Variants in FAM78B observed in about 807,000 individuals in gnomAD.
FAM78B encodes the protein protein FAM78B.
Under a neutral mutation model 20.0 loss-of-function variants are expected in FAM78B, and 10 were observed. That is an observed-to-expected ratio of 0.50 (90% CI 0.31 to 0.85). The LOEUF is 0.85. FAM78B is among the 40% of genes least tolerant of loss of function. The pLI is 0.05. For missense variants in FAM78B, 283 were observed against 345.0 expected, an observed-to-expected ratio of 0.82 and a Z score of 1.42; for synonymous variants, 135 against 132.8, an observed-to-expected ratio of 1.02 and a Z score of -0.12.
chr1:166,133,619 G>A (rs893804002), intron 1 of FAM78B, among the ~76,000 whole-genome samples: 3 of 148,880 alleles, frequency 2.0e-5, no homozygotes, highest in African/African-American at 4.9e-5. Flanking sequence ...AAAAAGAACC[G>A]TAAATATAAT....
intron 1 of FAM78B, among the ~76,000 whole-genome samples, chr1:166,110,368 G>A (rs1407887932): frequency 1.3e-5 from 2 of 152,164 alleles, no homozygotes; most frequent in Admixed American, 6.5e-5. Context: ...CCTCTGCAGA[G>A]CTGGGCATCT....
intron 1 of FAM78B, among the ~76,000 whole-genome samples, chr1:166,111,997 T>G (rs530107125): frequency 6.6e-6 from 1 of 152,352 alleles, no homozygotes; most frequent in South Asian, 2.1e-4. Flanking sequence ...TTTTCTTTAT[T>G]TTAACATCAG....
At chr1:166,119,914 A>G (rs1469247464) in intron 1 of FAM78B, among the ~76,000 whole-genome samples, 1 of 152,204 alleles carries the variant, frequency 6.6e-6, no homozygotes, top group Non-Finnish European at 1.5e-5. Context: ...TTCCAGCCAC[A>G]AGAGGGAAGC....
chr1:166,112,817 G>A (rs1654108205), intron 1 of FAM78B, among the ~76,000 whole-genome samples: 1 of 152,144 alleles, frequency 6.6e-6, no homozygotes, highest in African/African-American at 2.4e-5. Context: ...ATCCTATGAG[G>A]TACATACTAG....
At chr1:166,157,182 CT>C (rs1655939527) in intron 1 of FAM78B, among the ~76,000 whole-genome samples, 1 of 151,912 alleles carries the variant, frequency 6.6e-6, no homozygotes, top group East Asian at 1.9e-4. Context: ...CCAGAGACCC[CT>C]CTCCAGAGTC....
rs537066223 is a variant in FAM78B at position 166,098,900 on chromosome 1, T to C, written c.264-28137A>G. On this transcript the variant is annotated intron_variant, in intron 1 of 1. Coordinates refer to ENST00000354422, the MANE Select transcript of FAM78B (RefSeq NM_001017961.5). ...AAATACAAGGAGCACAAAGAACACC[T>C]GGGAAATTCATCACGAAAAGATCTT... is the stretch of plus-strand genomic sequence containing the variant. 1.0e-3 allele frequency among the ~76,000 whole-genome samples: 156 copies of C among 152,288 alleles called. 1 individual carries two copies. The highest frequency in any genetic ancestry group is 3.7e-3 in the African/African-American group (152 of 41,548).
intron 1 of FAM78B, among the ~76,000 whole-genome samples, chr1:166,155,084 C>T (rs1437064249): frequency 1.3e-5 from 2 of 152,198 alleles, no homozygotes; most frequent in Non-Finnish European, 2.9e-5. Context: ...ACTATCACAT[C>T]CTGAGCAGCT....
intron 1 of FAM78B, among the ~76,000 whole-genome samples, chr1:166,116,758 C>T (rs141050767): frequency 7.4e-4 from 113 of 152,314 alleles, no homozygotes; most frequent in African/African-American, 2.6e-3. Context: ...AATCCCCTTT[C>T]GACTTATGGG....
At position 166,061,864 on chromosome 1, in the gene FAM78B, G is replaced by C. The variant is rs930343089; in HGVS notation, c.*410-1201C>G. On this transcript the variant is annotated intron_variant and NMD_transcript_variant, in intron 2 of 2. Coordinates refer to the FAM78B transcript ENST00000435676. ...AGTGGGGCACAATGTGGTTGCACGT[G>C]TGCAGAGGCCTTGAGACACCCTGAG... Among the ~76,000 whole-genome samples the C allele has an allele frequency of 3.9e-5, 6 of 152,346 alleles. No individual in the cohort carries two copies. The East Asian group carries it at 1.2e-3, about 29-fold the overall frequency.
chr1:166,070,390 C>T lies in FAM78B; in HGVS notation c.637G>A (p.Gly213Ser), dbSNP rs755556119. 10 of 1,613,972 alleles carry T rather than the reference C, an allele frequency of 6.2e-6. No individual in the cohort carries two copies. Among genetic ancestry groups the T allele is most frequent in the Non-Finnish European group, 8.5e-6 (10 of 1,179,972 alleles). Residue 213 changes from glycine (G) to serine (S), a missense_variant, in exon 2 of 2, where the codon GGC becomes AGC. Gly to Ser is a moderately conservative substitution (Grantham distance 56, BLOSUM62 0). Transcript: ENST00000354422. The stretch of plus-strand genomic sequence containing the variant: ...CGGGGCTGCTCCTGCTGAGTCCTGC[C>T]CACCAGCCGGGCCCGCTGCCCCAAG... ...QLLGQRARLV[G>S]RTQQEQPRIL...
intron 1 of FAM78B, among the ~76,000 whole-genome samples, chr1:166,153,238 T>C (rs1655752958): frequency 6.6e-6 from 1 of 152,114 alleles, no homozygotes; most frequent in South Asian, 2.1e-4. Context: ...CCTTCCATAT[T>C]TATCTCTCCA....
chr1:166,077,702 T>A (rs1652338296), intron 1 of FAM78B, among the ~76,000 whole-genome samples: 1 of 122,136 alleles, frequency 8.2e-6, no homozygotes. Flanking sequence ...TTATATATAA[T>A]AAATACATAT....
downstream of FAM78B, among the ~76,000 whole-genome samples, chr1:166,067,789 A>G (rs1484649758): frequency 6.6e-6 from 1 of 152,222 alleles, no homozygotes; most frequent in Non-Finnish European, 1.5e-5. Context: ...ATCACAATGT[A>G]TACAGTGCTT....
At chr1:166,081,699 A>G (rs1051912809) in intron 1 of FAM78B, among the ~76,000 whole-genome samples, 2 of 152,080 alleles carry the variant, frequency 1.3e-5, no homozygotes, top group Non-Finnish European at 2.9e-5. Flanking sequence ...ATGCCTTCCC[A>G]CAGGAGTAAG....
intron 1 of FAM78B, among the ~76,000 whole-genome samples, chr1:166,071,165 C>T (rs1413984009): frequency 2.0e-5 from 3 of 152,002 alleles, no homozygotes; most frequent in African/African-American, 4.8e-5. Context: ...GGTTGAAATT[C>T]GATGTACTTG....
chr1:166,101,752 C>T (rs374635702), intron 1 of FAM78B, among the ~76,000 whole-genome samples: 26 of 151,968 alleles, frequency 1.7e-4, no homozygotes, highest in South Asian at 6.2e-4. Context: ...CTGAAAGTGA[C>T]GGGGAGAATG....
chr1:166,131,572 A>T (rs574604436), intron 1 of FAM78B, among the ~76,000 whole-genome samples: 33 of 152,272 alleles, frequency 2.2e-4, no homozygotes, highest in African/African-American at 7.7e-4. Context: ...GTCTGTGAGA[A>T]GACCTATCTT....
rs116083849 is a variant in FAM78B, at chr1:166,123,233, C to T, written c.263+42753G>A. Among the ~76,000 whole-genome samples the T allele has an allele frequency of 2.4e-4, 36 of 152,348 alleles. No homozygotes were observed. In the East Asian group the frequency reaches 3.7e-3, roughly 16 times the overall value. On this transcript the variant is annotated intron_variant, in intron 1 of 1. Transcript: ENST00000354422. ...TTTCAAAGCCAGGCCAGGCCTCCCC[C>T]ACCCTGGACCACCTGTAGCTGGTTC...
At chr1:166,106,674 C>T (rs1027319205) in intron 1 of FAM78B, among the ~76,000 whole-genome samples, 1 of 151,936 alleles carries the variant, frequency 6.6e-6, no homozygotes, top group African/African-American at 2.4e-5. Flanking sequence ...ACATTGGGTA[C>T]TCATGGACAA....
Sources: gnomAD v4.1 joint callset for allele counts (sites outside exome capture counted in the v4.1 genomes callset) on GRCh38, gnomAD v4.1.1 for gene constraint, MANE v1.5 for transcripts, NCBI Gene and HGNC (gene_info 2026-07-23, HGNC 2026-07-21) for gene names.